SCHIP1: variants seen among roughly 807,000 people sequenced by gnomAD.
The protein encoded by SCHIP1 is schwannomin-interacting protein 1.
A neutral mutation model predicts 29.7 loss-of-function variants in SCHIP1; 8 were observed. The observed-to-expected ratio is 0.27, with a 90% CI of 0.16 to 0.49. The LOEUF (loss-of-function observed/expected upper bound fraction) is 0.49, where lower values mean the gene tolerates loss of function less well. Ranked by LOEUF, SCHIP1 falls within the 20% of genes least tolerant of loss-of-function variation. The pLI is 0.99. For missense variants in SCHIP1, 193 were observed against 294.6 expected (o/e 0.66, Z 2.52); for synonymous variants, 76 against 94.9 (o/e 0.80, Z 1.16).
chr3:159,745,567 G>A, the SCHIP1 span, among the ~76,000 whole-genome samples: 100 of 152,288 alleles, frequency 6.6e-4, no homozygotes, highest in African/African-American at 2.3e-3. Flanking sequence ...TCCACCCTCA[G>A]CCCAAGTCTC....
the SCHIP1 span, among the ~76,000 whole-genome samples, chr3:159,779,154 C>A: frequency 3.9e-5 from 6 of 152,078 alleles, no homozygotes; most frequent in East Asian, 1.2e-3. Flanking sequence ...GTGTAAGCAA[C>A]CTGTGGAACA....
At chr3:159,699,424 G>A in the SCHIP1 span, among the ~76,000 whole-genome samples, 3 of 152,216 alleles carry the variant, frequency 2.0e-5, no homozygotes, top group Non-Finnish European at 2.9e-5. Flanking sequence ...CTCTCTCCGA[G>A]GGTTGGAGTG....
the SCHIP1 span, among the ~76,000 whole-genome samples, chr3:159,684,831 A>G: frequency 6.7e-6 from 1 of 150,086 alleles, no homozygotes; most frequent in African/African-American, 2.5e-5. Context: ...AGAAAGAAAG[A>G]AAAAAGAAAA....
At chr3:159,317,523 T>C in the SCHIP1 span, among the ~76,000 whole-genome samples, 1 of 152,212 alleles carries the variant, frequency 6.6e-6, no homozygotes, top group Non-Finnish European at 1.5e-5. Context: ...GTACCATATG[T>C]TGGATACTGG....
chr3:159,601,038 C>G, the SCHIP1 span, among the ~76,000 whole-genome samples: 1 of 152,168 alleles, frequency 6.6e-6, no homozygotes, highest in African/African-American at 2.4e-5. Context: ...TCTTTGGGTC[C>G]CAAGAGTAGC....
chr3:159,401,607 A>G, the SCHIP1 span, among the ~76,000 whole-genome samples: 1 of 152,206 alleles, frequency 6.6e-6, no homozygotes, highest in Non-Finnish European at 1.5e-5. Context: ...CAGTACTTAA[A>G]TCCAGGAAAA....
chr3:159,644,435 C>T, the SCHIP1 span, among the ~76,000 whole-genome samples: 30 of 152,176 alleles, frequency 2.0e-4, no homozygotes, highest in African/African-American at 6.0e-4. Flanking sequence ...ATTGTTTTCT[C>T]GACCCTGTCC....
At chr3:159,812,732 G>C in the SCHIP1 span, among the ~76,000 whole-genome samples, 5 of 152,118 alleles carry the variant, frequency 3.3e-5, no homozygotes, top group African/African-American at 4.8e-5. Flanking sequence ...TACATGTATT[G>C]GCTCAATATT....
At chr3:159,544,616 G>A in the SCHIP1 span, among the ~76,000 whole-genome samples, 14 of 151,946 alleles carry the variant, frequency 9.2e-5, no homozygotes, top group South Asian at 2.1e-4. Flanking sequence ...GTTAAGCATC[G>A]TTTCATGTTT....
At chr3:159,729,096 TGAG>T in the SCHIP1 span, among the ~76,000 whole-genome samples, 1 of 151,496 alleles carries the variant, frequency 6.6e-6, no homozygotes, top group South Asian at 2.1e-4. Context: ...TGCAGTGAGC[TGAG>T]ATCACACCAC....
chr3:159,585,758 G>T, the SCHIP1 span, among the ~76,000 whole-genome samples: 1 of 152,154 alleles, frequency 6.6e-6, no homozygotes, highest in Admixed American at 6.6e-5. Flanking sequence ...TGACCCTATA[G>T]TATAACTCTT....
the SCHIP1 span, among the ~76,000 whole-genome samples, chr3:159,779,248 G>A: frequency 1.3e-5 from 2 of 152,190 alleles, no homozygotes; most frequent in Admixed American, 6.5e-5. Context: ...TGGGACTCTT[G>A]CAGGAGTGGA....
chr3:159,401,332 G>T, the SCHIP1 span: 6 of 956,296 alleles, frequency 6.3e-6, no homozygotes, highest in Non-Finnish European at 7.5e-6. Flanking sequence ...CTATCTTTGA[G>T]GCATCTAGAC....
At chr3:159,675,410 A>G in the SCHIP1 span, among the ~76,000 whole-genome samples, 1 of 152,320 alleles carries the variant, frequency 6.6e-6, no homozygotes, top group Non-Finnish European at 1.5e-5. Flanking sequence ...ACCATCCCCA[A>G]CTATGTATGA....
chr3:159,318,685 A>C, the SCHIP1 span, among the ~76,000 whole-genome samples: 2 of 152,104 alleles, frequency 1.3e-5, no homozygotes, highest in Admixed American at 6.6e-5. Context: ...AGGAGTGGAG[A>C]CCATGGGCAT....
the SCHIP1 span, among the ~76,000 whole-genome samples, chr3:159,593,548 T>C: frequency 6.6e-6 from 1 of 152,278 alleles, no homozygotes; most frequent in African/African-American, 2.4e-5. Context: ...TCATCTGTAA[T>C]GCCCCTTCTG....
At chr3:159,705,525 G>C in the SCHIP1 span, among the ~76,000 whole-genome samples, 191 of 152,086 alleles carry the variant, frequency 1.3e-3, no homozygotes, top group African/African-American at 4.5e-3. Context: ...AGAAGTGACA[G>C]ATATAGAGAG....
chr3:159,311,090 GGAA>G, the SCHIP1 span, among the ~76,000 whole-genome samples: 1 of 151,982 alleles, frequency 6.6e-6, no homozygotes, highest in East Asian at 1.9e-4. Context: ...TTTCCTAAAG[GGAA>G]GTTTCTTCTC....
At chr3:159,877,688 C>T (rs1167828181) in intron 2 of SCHIP1, among the ~76,000 whole-genome samples, 4 of 152,180 alleles carry the variant, frequency 2.6e-5, no homozygotes, top group Admixed American at 2.6e-4. Context: ...GTTTTTTACC[C>T]AGTCCGCATG....
Sources: gnomAD v4.1 joint callset for allele counts (sites outside exome capture counted in the v4.1 genomes callset) on GRCh38, gnomAD v4.1.1 for gene constraint, MANE v1.5 for transcripts, NCBI Gene and HGNC (gene_info 2026-07-23, HGNC 2026-07-21) for gene names.